Variants in TAFA1 observed in about 807,000 individuals in gnomAD.
TAFA1 encodes the protein TAFA chemokine like family member 1.
Under a neutral mutation model 18.5 loss-of-function variants are expected in TAFA1, and 4 were observed. The observed-to-expected ratio is 0.22, with a 90% CI of 0.11 to 0.49. The LOEUF is 0.49. TAFA1 is among the 20% of genes least tolerant of loss of function. TAFA1 has a pLI of 0.98. For synonymous variants in TAFA1, 56 were observed against 55.2 expected (o/e 1.01, Z -0.06); for missense variants, 147 against 169.0 (o/e 0.87, Z 0.72).
chr3:68,505,337 T>C (rs2072729144), intron 3 of TAFA1, among the ~76,000 whole-genome samples: 1 of 152,198 alleles, frequency 6.6e-6, no homozygotes, highest in African/African-American at 2.4e-5. Context: ...ACTGGCATTG[T>C]GAGCATGGTT....
chr3:68,055,880 T>G lies in TAFA1; in HGVS notation c.118+49136T>G, dbSNP rs117928328. ...TCACATCAGGTCCTAGCCCCGATTT[T>G]CAGCCTGATCTTTTCTCTGCCTGCA... is the stretch of plus-strand genomic sequence containing the variant. On this transcript the variant is annotated intron_variant, in intron 2 of 4. Coordinates refer to ENST00000478136, the MANE Select transcript of TAFA1 (RefSeq NM_213609.4). 5.5e-4 allele frequency among the ~76,000 whole-genome samples: 84 copies of G among 152,210 alleles called. No homozygotes were observed. In the East Asian group the frequency reaches 0.016, roughly 28 times the overall value.
At chr3:68,444,272 T>C (rs2071435758) in intron 3 of TAFA1, among the ~76,000 whole-genome samples, 1 of 152,174 alleles carries the variant, frequency 6.6e-6, no homozygotes, top group Admixed American at 6.6e-5. Context: ...AAAATAGTTC[T>C]CTCAAGTACT....
chr3:68,142,808 G>A (rs780419156), intron 2 of TAFA1, among the ~76,000 whole-genome samples: 6 of 152,224 alleles, frequency 3.9e-5, no homozygotes, highest in African/African-American at 1.2e-4. Flanking sequence ...GGAGCAGACC[G>A]GTGCATAATT....
intron 3 of TAFA1, among the ~76,000 whole-genome samples, chr3:68,469,715 A>G (rs1429819120): frequency 1.3e-5 from 2 of 152,158 alleles, no homozygotes; most frequent in Non-Finnish European, 2.9e-5. Context: ...TCTTTGAGAC[A>G]TTGGAAGCTC....
At chr3:68,061,970 G>T (rs1321171282) in intron 2 of TAFA1, among the ~76,000 whole-genome samples, 2 of 151,090 alleles carry the variant, frequency 1.3e-5, no homozygotes, top group Non-Finnish European at 3.0e-5. Context: ...AAACGATATG[G>T]TTTTTGTTTC....
chr3:68,256,620 A>G (rs1020249972), intron 2 of TAFA1, among the ~76,000 whole-genome samples: 1 of 152,162 alleles, frequency 6.6e-6, no homozygotes, highest in Non-Finnish European at 1.5e-5. Context: ...ATAGTCTTGT[A>G]CATAGTTTAA....
intron 2 of TAFA1, among the ~76,000 whole-genome samples, chr3:68,213,596 T>C (rs1157486944): frequency 6.6e-6 from 1 of 152,192 alleles, no homozygotes; most frequent in Admixed American, 6.5e-5. Flanking sequence ...AGATATTAGA[T>C]CTTCGGAGAA....
intron 2 of TAFA1, among the ~76,000 whole-genome samples, chr3:68,149,855 A>G (rs1387452128): frequency 6.6e-6 from 1 of 152,246 alleles, no homozygotes; most frequent in African/African-American, 2.4e-5. Context: ...GGTTGTGTGC[A>G]AACTCTTTCT....
At chr3:68,230,315 A>G (rs1477834953) in intron 2 of TAFA1, among the ~76,000 whole-genome samples, 1 of 151,052 alleles carries the variant, frequency 6.6e-6, no homozygotes, top group Non-Finnish European at 1.5e-5. Flanking sequence ...ATTCTATTCT[A>G]TATCTCCATG....
At chr3:68,211,965 G>T (rs993504196) in intron 2 of TAFA1, among the ~76,000 whole-genome samples, 3 of 151,942 alleles carry the variant, frequency 2.0e-5, no homozygotes, top group Non-Finnish European at 4.4e-5. Context: ...AGGCTTGGAG[G>T]GTCAAATATC....
At position 68,144,094 on chromosome 3, in the gene TAFA1, G is replaced by A. The variant is rs571017551; in HGVS notation, c.118+137350G>A. Among the ~76,000 whole-genome samples, 48 of 152,110 alleles carry A rather than the reference G, an allele frequency of 3.2e-4. No individual in the cohort carries two copies. The South Asian group carries it at 5.6e-3, about 18-fold the overall frequency. On this transcript the variant is annotated intron_variant, in intron 2 of 4. Transcript: ENST00000478136. ...AACCCTAAAAACAAATTTAAGGGCC[G>A]TGGGAAAATAACTTTCTGTGCTCCT...
chr3:68,255,096 C>T (rs1157917347), intron 2 of TAFA1, among the ~76,000 whole-genome samples: 1 of 152,072 alleles, frequency 6.6e-6, no homozygotes, highest in African/African-American at 2.4e-5. Flanking sequence ...AGCAATACAT[C>T]AAATAAGGGC....
chr3:68,086,975 C>T (rs752654855), intron 2 of TAFA1, among the ~76,000 whole-genome samples: 8 of 152,168 alleles, frequency 5.3e-5, no homozygotes, highest in Non-Finnish European at 7.3e-5. Context: ...ACAAGACACC[C>T]TGCAAATCCC....
chr3:68,324,998 T>C (rs1016499277), intron 2 of TAFA1, among the ~76,000 whole-genome samples: 15 of 152,168 alleles, frequency 9.9e-5, no homozygotes, highest in African/African-American at 3.6e-4. Context: ...GGGTGGGTAT[T>C]CTATGAAATT....
intron 2 of TAFA1, among the ~76,000 whole-genome samples, chr3:68,370,495 T>TAC (rs2069681286): frequency 2.9e-5 from 3 of 102,388 alleles, no homozygotes; most frequent in Admixed American, 1.1e-4. Flanking sequence ...TATATATATA[T>TAC]ATATATATAT....
At chr3:68,191,164 G>T (rs1372590242) in intron 2 of TAFA1, among the ~76,000 whole-genome samples, 2 of 151,600 alleles carry the variant, frequency 1.3e-5, no homozygotes, top group Non-Finnish European at 2.9e-5. Flanking sequence ...TTTTTGTTTT[G>T]TTCTGTCTTT....
intron 2 of TAFA1, among the ~76,000 whole-genome samples, chr3:68,160,441 G>A (rs2065911717): frequency 6.6e-6 from 1 of 152,204 alleles, no homozygotes; most frequent in Non-Finnish European, 1.5e-5. Flanking sequence ...AACTCTTATA[G>A]TAGAGCATAA....
At chr3:68,263,324 C>G (rs2067473156) in intron 2 of TAFA1, among the ~76,000 whole-genome samples, 1 of 151,934 alleles carries the variant, frequency 6.6e-6, no homozygotes, top group African/African-American at 2.4e-5. Context: ...TGAATAGAGA[C>G]TAGTCTCATC....
intron 2 of TAFA1, among the ~76,000 whole-genome samples, chr3:68,383,362 A>C (rs2070021507): frequency 6.6e-6 from 1 of 152,172 alleles, no homozygotes; most frequent in East Asian, 1.9e-4. Context: ...ATGTTCCTTC[A>C]ATACCTAGTC....
Sources: allele counts gnomAD v4.1 joint callset (sites outside exome capture counted in the v4.1 genomes callset), GRCh38; gene constraint gnomAD v4.1.1; transcripts MANE v1.5; gene names NCBI Gene and HGNC (gene_info 2026-07-23, HGNC 2026-07-21).